The following MAGEA4 variants were observed in gnomAD, a reference collection of about 807,000 sequenced individuals.
MAGEA4 encodes MAGE family member A4.
Under a neutral mutation model 13.7 loss-of-function variants are expected in MAGEA4, and 1 was observed. The ratio of observed to expected loss-of-function variants is 0.07; its 90% confidence interval spans 0.03 to 0.35. The LOEUF (loss-of-function observed/expected upper bound fraction) is 0.35. MAGEA4 is among the 10% of genes least tolerant of loss of function. MAGEA4 has a pLI of 0.99. For synonymous variants in MAGEA4, 132 were observed against 101.1 expected (o/e 1.31, Z -1.83); for missense variants, 312 against 245.1 (o/e 1.27, Z -1.82).
At position 151,924,054 on chromosome X, in the gene MAGEA4, G is replaced by A. The variant is rs1199464366; in HGVS notation, c.390G>A (p.Leu130=). 6 of 1,210,803 alleles carry A rather than the reference G, an allele frequency of 5.0e-6. No homozygotes were observed. The highest frequency in any genetic ancestry group is 2.2e-6 in the Non-Finnish European group (2 of 895,413). Residue 130 remains leucine (L), a synonymous_variant, in exon 3 of 3, where the codon CTG becomes CTA. Coordinates refer to ENST00000276344, the MANE Select transcript of MAGEA4 (RefSeq NM_001011548.1). ...FLLRKYRAKE[L]VTKAEMLERV... The stretch of plus-strand genomic sequence containing the variant: ...TCCGCAAGTATCGAGCCAAGGAGCT[G>A]GTCACAAAGGCAGAAATGCTGGAGA...
Position 151,924,052 on chromosome X carries a change from C to A in MAGEA4, c.388C>A (p.Leu130Met). The A allele has an allele frequency of 8.2e-7, 1 of 1,212,179 alleles. No homozygotes were observed. The highest frequency in any genetic ancestry group is 1.8e-5 in the South Asian group (1 of 57,016). ...GCTCCGCAAGTATCGAGCCAAGGAGCTGGTCACAAAGGCAGAAATGCTGGA... is the reference window on the plus strand; with the variant it reads ...GCTCCGCAAGTATCGAGCCAAGGAGATGGTCACAAAGGCAGAAATGCTGGA... ...FLLRKYRAKE[L>M]VTKAEMLERV... Residue 130 changes from leucine (L) to methionine (M), a missense_variant, in exon 3 of 3, where the codon CTG (leucine) becomes ATG (methionine). Physicochemically the swap from Leu to Met is conservative, Grantham distance 15. Coordinates refer to ENST00000276344, the MANE Select transcript of MAGEA4 (RefSeq NM_001011548.1).
intron 1 of MAGEA4, among the ~76,000 whole-genome samples, chrX:151,921,300 T>G (rs772563325): frequency 3.6e-5 from 4 of 112,292 alleles, no homozygotes; most frequent in African/African-American, 1.3e-4. Flanking sequence ...GAGGGGCCAG[T>G]TGAGATCGGC....
intron 1 of MAGEA4, among the ~76,000 whole-genome samples, chrX:151,922,000 C>T (rs1933467258): frequency 9.0e-6 from 1 of 111,695 alleles, no homozygotes; most frequent in Non-Finnish European, 1.9e-5. Flanking sequence ...CCTTGCATTC[C>T]AGATCAGTGG....
intron 1 of MAGEA4, chrX:151,918,957 G>T: frequency 1.3e-5 from 10 of 753,083 alleles, no homozygotes; most frequent in Non-Finnish European, 1.6e-5. Context: ...CGCATTCGGG[G>T]TTAGAGAGAA....
At chrX:151,920,492 G>A (rs1257754850) in intron 1 of MAGEA4, among the ~76,000 whole-genome samples, 1 of 109,887 alleles carries the variant, frequency 9.1e-6, no homozygotes, top group Non-Finnish European at 1.9e-5. Flanking sequence ...GTGGGGGTAG[G>A]CTCTGCCAGG....
rs1022022245 is a variant in MAGEA4 at position 151,925,094 on chromosome X, A to T, written c.*476A>T. 5 of 122,089 alleles carry T rather than the reference A, an allele frequency of 4.1e-5. No homozygotes were observed. The highest frequency in any genetic ancestry group is 1.6e-4 in the African/African-American group (5 of 30,889). The allele number at this position is 122,089 out of a possible 1,213,427, so 10.1% of individuals were successfully genotyped here. ...GTCTATTCTGTAAAATTTAAAAAATATATATGCATACCTGGATTTCCTTGG... is the reference window on the plus strand; with the variant it reads ...GTCTATTCTGTAAAATTTAAAAAATTTATATGCATACCTGGATTTCCTTGG... On this transcript the variant is annotated 3_prime_UTR_variant, in exon 3 of 3. Transcript: ENST00000276344.
At chrX:151,922,499 G>A (rs974683237) in intron 1 of MAGEA4, among the ~76,000 whole-genome samples, 3 of 111,422 alleles carry the variant, frequency 2.7e-5, no homozygotes, top group Non-Finnish European at 5.7e-5. Flanking sequence ...GTGACAGGAT[G>A]TGGCTCCTTC....
chrX:151,919,536 C>T, intron 1 of MAGEA4: 1 of 455,392 alleles, frequency 2.2e-6, no homozygotes, highest in Non-Finnish European at 2.7e-6. Flanking sequence ...CCACCGACCT[C>T]ACTCCTCCCA....
At chrX:151,912,723 TC>T, upstream of MAGEA4, 1 of 92,551 alleles carries the variant, frequency 1.1e-5, no homozygotes. Context: ...CATACCCCCA[TC>T]CCCAATTCAA....
At chrX:151,913,364 A>G (rs1399643036) in intron 1 of MAGEA4, 2 of 138,462 alleles carry the variant, frequency 1.4e-5, no homozygotes, top group Non-Finnish European at 2.3e-5. Context: ...TCATACCGCC[A>G]TCTCCCACCC....
At position 151,923,925 on chromosome X, in the gene MAGEA4, T is replaced by C. The variant is rs767670794; in HGVS notation, c.261T>C (p.Gly87=). ...CTTGCTGGAGGCAACCCAATGAGGG[T>C]TCCAGCAGCCAAGAAGAGGAGGGGC... ...SFTCWRQPNE[G]SSSQEEEGPS... The change falls in exon 3 of 3, where the codon GGT becomes GGC. Residue 87 remains glycine, a synonymous_variant. Coordinates refer to ENST00000276344, the MANE Select transcript of MAGEA4 (RefSeq NM_001011548.1). 1.6e-5 allele frequency: 19 copies of C among 1,209,645 alleles called. No individual in the cohort carries two copies. In the Admixed American group the frequency reaches 2.4e-4, roughly 15 times the overall value.
Position 151,924,091 on chromosome X carries a change from A to T in MAGEA4, c.427A>T (p.Asn143Tyr), listed in dbSNP as rs1388993055. 3 of 1,211,998 alleles carry T rather than the reference A, an allele frequency of 2.5e-6. No individual in the cohort carries two copies. The East Asian group carries it at 8.9e-5, about 36-fold the overall frequency. ...KAEMLERVIK[N>Y]YKRCFPVIFG... Reference sequence around the variant, plus strand: ...AGAAATGCTGGAGAGAGTCATCAAAAATTACAAGCGCTGCTTTCCTGTGAT... The same window carrying T: ...AGAAATGCTGGAGAGAGTCATCAAATATTACAAGCGCTGCTTTCCTGTGAT... Residue 143 changes from asparagine (N) to tyrosine (Y), a missense_variant, in exon 3 of 3, where the codon AAT becomes TAT. Physicochemically the swap from Asn to Tyr is moderately radical, Grantham distance 143. Coordinates refer to ENST00000276344, the MANE Select transcript of MAGEA4 (RefSeq NM_001011548.1).
Position 151,924,680 on chromosome X carries a change from C to G in MAGEA4, c.*62C>G, listed in dbSNP as rs1933630654. The G allele has an allele frequency of 1.8e-6, 2 of 1,093,093 alleles. No individual in the cohort carries two copies. The highest frequency in any genetic ancestry group is 2.4e-6 in the Non-Finnish European group (2 of 823,799). The allele number at this position is 1,093,093 out of a possible 1,213,427, so 90.1% of individuals were successfully genotyped here. A position where few individuals can be genotyped will look rare whatever the true frequency, so the allele number is the denominator to read the frequency against. ...GGCTGGGCCAGTGCATCTAACAGCC[C>G]TGTGCAGCAGCTTCCCTTGCCTCGT... On this transcript the variant is annotated 3_prime_UTR_variant, in exon 3 of 3. Coordinates refer to ENST00000276344, the MANE Select transcript of MAGEA4 (RefSeq NM_001011548.1).
rs922594109 is a variant in MAGEA4 at position 151,924,640 on chromosome X, G to T, written c.*22G>T. ...CTGAGCATGAGTTGCAGCCAGGGCT[G>T]TGGGGAAGGGGCAGGGCTGGGCCAG... On this transcript the variant is annotated 3_prime_UTR_variant, in exon 3 of 3. Coordinates refer to ENST00000276344, the MANE Select transcript of MAGEA4 (RefSeq NM_001011548.1). 2.6e-6 allele frequency: 3 copies of T among 1,168,128 alleles called. No individual in the cohort carries two copies. The African/African-American group carries it at 5.3e-5, about 21-fold the overall frequency.
chrX:151,922,275 T>C (rs1298186576), intron 1 of MAGEA4, among the ~76,000 whole-genome samples: 1 of 111,235 alleles, frequency 9.0e-6, no homozygotes, highest in Admixed American at 9.5e-5. Flanking sequence ...GGGATGGCCC[T>C]ATGTGCCAAT....
chrX:151,917,801 A>T (rs1229742688), intron 1 of MAGEA4: 1 of 107,544 alleles, frequency 9.3e-6, no homozygotes, highest in African/African-American at 3.5e-5. Context: ...TGGGGCGCCC[A>T]CCACCCCACT....
chrX:151,919,812 C>G, intron 1 of MAGEA4: 1 of 718,353 alleles, frequency 1.4e-6, no homozygotes, highest in Non-Finnish European at 1.6e-6. Context: ...AGCCCTGGGC[C>G]ACTCGTGGGG....
At chrX:151,913,654 C>T (rs990824516) in intron 1 of MAGEA4, 3 of 738,195 alleles carry the variant, frequency 4.1e-6, no homozygotes, top group Non-Finnish European at 3.2e-6. Context: ...TAATCCCGCA[C>T]CACTCCTGCT....
intron 1 of MAGEA4, among the ~76,000 whole-genome samples, chrX:151,921,886 T>C (rs5924701): frequency 0.44 from 48,462 of 109,453 alleles, 8,021 homozygotes; most frequent in East Asian, 0.66. Flanking sequence ...GTGCCTCCTC[T>C]TTTAGCCTCA....
Sources: gnomAD v4.1 joint callset for allele counts (sites outside exome capture counted in the v4.1 genomes callset) on GRCh38, gnomAD v4.1.1 for gene constraint, MANE v1.5 for transcripts, NCBI Gene and HGNC (gene_info 2026-07-23, HGNC 2026-07-21) for gene names.